OLFM3: variants seen among roughly 807,000 people sequenced by gnomAD.
OLFM3 encodes the protein olfactomedin 3, also known as noelin-3.
Under a neutral mutation model 48.6 loss-of-function variants are expected in OLFM3, and 20 were observed. The observed-to-expected ratio is 0.41, with a 90% CI of 0.29 to 0.60. The LOEUF (loss-of-function observed/expected upper bound fraction) is 0.60. Ranked by LOEUF, OLFM3 falls within the 20% of genes least tolerant of loss-of-function variation. OLFM3 has a pLI of 0.28. For synonymous variants in OLFM3, 222 were observed against 198.1 expected, an observed-to-expected ratio of 1.12 and a Z score of -1.01; for missense variants, 437 against 544.3, an observed-to-expected ratio of 0.80 and a Z score of 1.96.
intron 3 of OLFM3, among the ~76,000 whole-genome samples, chr1:101,827,914 T>C (rs1654939141): frequency 6.6e-6 from 1 of 152,130 alleles, no homozygotes; most frequent in African/African-American, 2.4e-5. Flanking sequence ...TGAAAGGTGA[T>C]TGTATCATGG....
At chr1:101,943,718 T>C (rs905040702) in intron 1 of OLFM3, among the ~76,000 whole-genome samples, 6 of 152,202 alleles carry the variant, frequency 3.9e-5, no homozygotes, top group African/African-American at 1.4e-4. Context: ...AATAAAAATG[T>C]ATAGATGTAT....
Position 101,804,760 on chromosome 1 carries a change from G to C in OLFM3, c.855C>G (p.Asn285Lys), listed in dbSNP as rs758275329. The C allele has an allele frequency of 6.2e-7, 1 of 1,612,644 alleles. No homozygotes were observed. The highest frequency in any genetic ancestry group is 8.5e-7 in the Non-Finnish European group (1 of 1,179,138). ...HVVYNGSLYFNKYQSNIIIKY... is the reference protein window; with the variant it reads ...HVVYNGSLYFKKYQSNIIIKY... ...TGATGATGATATTACTCTGATACTT[G>C]TTAAAATAGAGTGAGCCATTGTAGA... Residue 285 changes from asparagine (N) to lysine (K), a missense_variant, in exon 6 of 6, where the codon AAC becomes AAG. Physicochemically the swap from Asn to Lys is moderately conservative, Grantham distance 94. Around this residue, in one of 3 missense-constraint regions of OLFM3, gnomAD observed 314 missense variants for 365.5 expected, o/e 0.86. Transcript: ENST00000370103. The surrounding 1 kb of genome is among the most constrained non-coding windows in gnomAD (Gnocchi z 4.5).
chr1:101,930,843 G>A (rs758592953), intron 1 of OLFM3, among the ~76,000 whole-genome samples: 2 of 152,172 alleles, frequency 1.3e-5, no homozygotes, highest in African/African-American at 2.4e-5. Context: ...AGGAGCCAGG[G>A]CTCCAGCATT....
At chr1:101,853,845 G>A (rs1656315346) in intron 1 of OLFM3, among the ~76,000 whole-genome samples, 1 of 152,010 alleles carries the variant, frequency 6.6e-6, no homozygotes, top group Admixed American at 6.6e-5. Context: ...ATAGTTACAT[G>A]TATTTTTTCC....
At chr1:101,956,992 A>T (rs1362205183) in intron 1 of OLFM3, among the ~76,000 whole-genome samples, 2 of 151,822 alleles carry the variant, frequency 1.3e-5, no homozygotes, top group African/African-American at 4.8e-5. Flanking sequence ...AGCAGAAACA[A>T]TAAAAAAAAA....
In OLFM3 at chr1:101,918,703, C is replaced by T. The variant is rs1038472868; in HGVS notation, c.69+78045G>A. ...TTGTCCATGTAAAATAACATATTCA[C>T]GGGTTCTGGGGATTTGAATGTGTAA... On this transcript the variant is annotated intron_variant, in intron 1 of 5. Transcript: ENST00000370103. Among the ~76,000 whole-genome samples the T allele has an allele frequency of 9.9e-5, 15 of 151,912 alleles. 1 individual carries two copies. Among genetic ancestry groups the T allele is most frequent in the African/African-American group, 2.9e-4 (12 of 41,344 alleles).
At position 101,941,113 on chromosome 1, in the gene OLFM3, G is replaced by C. The variant is rs114012432; in HGVS notation, c.69+55635C>G. Among the ~76,000 whole-genome samples, 1,176 of 152,270 alleles carry C rather than the reference G, an allele frequency of 7.7e-3. 10 individuals are homozygous for C. The highest frequency in any genetic ancestry group is 0.013 in the Non-Finnish European group (874 of 68,006). Reference sequence around the variant, plus strand: ...GTTTCCCATTTTACTTCACAGAAAAGTGCGAAGTGTGATGGCACCAGCAGA... The same window carrying C: ...GTTTCCCATTTTACTTCACAGAAAACTGCGAAGTGTGATGGCACCAGCAGA... On this transcript the variant is annotated intron_variant, in intron 1 of 5. Transcript: ENST00000370103.
At chr1:101,875,353 G>A (rs1657256173) in intron 1 of OLFM3, among the ~76,000 whole-genome samples, 1 of 151,918 alleles carries the variant, frequency 6.6e-6, no homozygotes, top group Non-Finnish European at 1.5e-5. Flanking sequence ...TTTAGTTAGT[G>A]TTAATTTTTA....
At chr1:101,987,171 TA>T (rs1557758633) in intron 1 of OLFM3, among the ~76,000 whole-genome samples, 1 of 152,234 alleles carries the variant, frequency 6.6e-6, no homozygotes, top group South Asian at 2.1e-4. Flanking sequence ...TTGCAATGAA[TA>T]AACAATGAAT....
chr1:101,935,577 A>G (rs912297977), intron 1 of OLFM3, among the ~76,000 whole-genome samples: 1 of 152,124 alleles, frequency 6.6e-6, no homozygotes, highest in African/African-American at 2.4e-5. Flanking sequence ...TCCTACTAAA[A>G]CTATTCCAAG....
intron 4 of OLFM3, among the ~76,000 whole-genome samples, chr1:101,810,643 G>A (rs1654004508): frequency 6.6e-6 from 1 of 151,854 alleles, no homozygotes; most frequent in African/African-American, 2.4e-5. Flanking sequence ...AGATGAAAAT[G>A]GAAGATGTGA....
Position 101,971,952 on chromosome 1 carries a change from A to T in OLFM3, c.69+24796T>A, listed in dbSNP as rs150915119. On this transcript the variant is annotated intron_variant, in intron 1 of 5. Transcript: ENST00000370103. ...ATATATAGTGTATATACACATACTT[A>T]TGTATTATATATAACTATAATATAT... is the stretch of plus-strand genomic sequence containing the variant. Among the ~76,000 whole-genome samples, 537 of 151,658 alleles carry T rather than the reference A, an allele frequency of 3.5e-3. 5 individuals carry two copies. The highest frequency in any genetic ancestry group is 0.012 in the African/African-American group (481 of 41,452).
chr1:101,993,539 T>G (rs989772446), intron 1 of OLFM3, among the ~76,000 whole-genome samples: 5 of 152,144 alleles, frequency 3.3e-5, no homozygotes, highest in African/African-American at 1.2e-4. Flanking sequence ...AAACACTCCA[T>G]TACAAATGAA....
intron 4 of OLFM3, among the ~76,000 whole-genome samples, chr1:101,809,731 T>C (rs1397361870): frequency 1.3e-5 from 2 of 151,826 alleles, no homozygotes; most frequent in East Asian, 3.9e-4. Context: ...CTAGAGAAAC[T>C]GGGTAATGCA....
chr1:101,907,273 C>T lies in OLFM3; in HGVS notation c.70-70248G>A, dbSNP rs1037740162. The stretch of plus-strand genomic sequence containing the variant: ...AGAGAATATGTTTAAAATACACAAC[C>T]CACATATACAAACATCAATCACTCA... On this transcript the variant is annotated intron_variant, in intron 1 of 5. Transcript: ENST00000370103. Among the ~76,000 whole-genome samples, 9 of 152,208 alleles carry T rather than the reference C, an allele frequency of 5.9e-5. No homozygotes were observed. In the Middle Eastern group the frequency reaches 0.01, roughly 173 times the overall value.
At chr1:101,934,740 T>TA (rs754275562) in intron 1 of OLFM3, among the ~76,000 whole-genome samples, 115 of 149,988 alleles carry the variant, frequency 7.7e-4, no homozygotes, top group Middle Eastern at 3.4e-3. Flanking sequence ...CTCAGTAAAT[T>TA]AAAAAAAAAC....
At chr1:101,906,674 C>G (rs1557725309) in intron 1 of OLFM3, among the ~76,000 whole-genome samples, 1 of 152,120 alleles carries the variant, frequency 6.6e-6, no homozygotes, top group Non-Finnish European at 1.5e-5. Context: ...CTCTTTTATC[C>G]TAAGCAACGG....
intron 1 of OLFM3, among the ~76,000 whole-genome samples, chr1:101,937,641 C>T (rs1570647459): frequency 6.6e-6 from 1 of 152,112 alleles, no homozygotes; most frequent in East Asian, 1.9e-4. Flanking sequence ...TTTGAGGCCA[C>T]CCCAGCCACA....
At chr1:101,857,184 T>A (rs1482167178) in intron 1 of OLFM3, among the ~76,000 whole-genome samples, 1 of 151,948 alleles carries the variant, frequency 6.6e-6, no homozygotes, top group Non-Finnish European at 1.5e-5. Flanking sequence ...TTTTCATTAA[T>A]AAAATAAAGT....
Sources: allele counts gnomAD v4.1 joint callset (sites outside exome capture counted in the v4.1 genomes callset), GRCh38; gene constraint gnomAD v4.1.1; regional missense constraint gnomAD v4.1.1; non-coding constraint Gnocchi (gnomAD v3.1); transcripts MANE v1.5; gene names NCBI Gene and HGNC (gene_info 2026-07-23, HGNC 2026-07-21).